The following PLEKHA7 variants were observed in gnomAD, a reference collection of about 807,000 sequenced individuals.
PLEKHA7 encodes the protein pleckstrin homology domain-containing family A member 7.
In PLEKHA7, 104 loss-of-function variants were observed where a neutral mutation model predicts 170.0. The ratio of observed to expected loss-of-function variants is 0.61; its 90% confidence interval spans 0.52 to 0.72. PLEKHA7 has a LOEUF of 0.72. Among genes scored for constraint, PLEKHA7 ranks in the 30% least tolerant of loss-of-function variants. The probability of loss-of-function intolerance (pLI) is 0.00; values close to 1 mark genes in which losing one functional copy is unlikely to be tolerated. For missense variants in PLEKHA7, 1,615 were observed against 1,671.7 expected (o/e 0.97, Z 0.59); for synonymous variants, 648 against 660.8 (o/e 0.98, Z 0.30).
chr11:16,872,797 T>C (rs1174149554), intron 3 of PLEKHA7, among the ~76,000 whole-genome samples: 2 of 132,488 alleles, frequency 1.5e-5, no homozygotes, highest in African/African-American at 5.4e-5. Context: ...GGATTATGCC[T>C]GGCCAAATGT....
chr11:16,942,321 G>A (rs1483805953), intron 3 of PLEKHA7, among the ~76,000 whole-genome samples: 1 of 152,170 alleles, frequency 6.6e-6, no homozygotes, highest in African/African-American at 2.4e-5. Flanking sequence ...GCTAATGGCT[G>A]GGCTTCTACT....
In PLEKHA7 at chr11:16,804,317, A is replaced by G. The variant is rs115186471; in HGVS notation, c.2008-1022T>C. ...GACAGGTGGTGTGTGTGTGCTATGC[A>G]GAGAGGTCCCAATGTGGACCGATAG... On this transcript the variant is annotated intron_variant, in intron 13 of 26. Coordinates refer to ENST00000531066, the MANE Select transcript of PLEKHA7 (RefSeq NM_001329630.2). Among the ~76,000 whole-genome samples the G allele has an allele frequency of 4.0e-3, 612 of 152,346 alleles. 3 individuals carry two copies. Among genetic ancestry groups the G allele is most frequent in the African/African-American group, 0.014 (585 of 41,578 alleles).
intron 19 of PLEKHA7, among the ~76,000 whole-genome samples, chr11:16,793,442 C>T (rs76437566): frequency 0.016 from 2,447 of 152,316 alleles, 47 homozygotes; most frequent in African/African-American, 0.053. Context: ...GCTCTGGGCC[C>T]TGGACTATGG....
intron 4 of PLEKHA7, among the ~76,000 whole-genome samples, chr11:16,868,613 G>C (rs376608514): frequency 9.9e-5 from 15 of 152,164 alleles, no homozygotes; most frequent in African/African-American, 3.6e-4. Context: ...ATAAGTGCAG[G>C]AATCCTCCCT....
At chr11:16,889,420 A>AATATATATATATATAT (rs1554964151) in intron 3 of PLEKHA7, among the ~76,000 whole-genome samples, 1 of 74,670 alleles carries the variant, frequency 1.3e-5, no homozygotes, top group African/African-American at 6.3e-5. Context: ...AAAAAAAAAA[A>AATATATATATATATAT]ATATATATAT....
chr11:16,856,359 G>A (rs1490393816), intron 4 of PLEKHA7, among the ~76,000 whole-genome samples: 2 of 152,124 alleles, frequency 1.3e-5, no homozygotes, highest in Non-Finnish European at 2.9e-5. Context: ...GAAATCACTT[G>A]CGCACACAAC....
Position 16,795,288 on chromosome 11 carries a change from C to T in PLEKHA7, c.2410-270G>A, listed in dbSNP as rs1481892250. ...AAAACAGACTGCCGTAAACACTGTG[C>T]CATTCCGCTAAAATACTGTATGACA... is the stretch of plus-strand genomic sequence containing the variant. On this transcript the variant is annotated intron_variant, in intron 17 of 26. Transcript: ENST00000531066. The T allele has an allele frequency of 6.8e-6, 3 of 439,512 alleles. No homozygotes were observed. In the Admixed American group the frequency reaches 1.1e-4, roughly 16 times the overall value. 27.2% of individuals were successfully genotyped at this position (439,512 alleles called of 1,614,324 possible).
At position 16,783,945 on chromosome 11, in the gene PLEKHA7, G is replaced by C. The variant is rs1046137419; in HGVS notation, c.3517-112C>G. The C allele has an allele frequency of 1.0e-4, 117 of 1,130,946 alleles. 2 individuals carry two copies. In the Admixed American group the frequency reaches 4.7e-3, roughly 46 times the overall value. The allele number at this position is 1,130,946 out of a possible 1,614,324, so 70.1% of individuals were successfully genotyped here. ...ATGGGAAGCAAGCAGAGTCCACAGA[G>C]ACTAAGTAACTTGCTAAGATCACAA... is the stretch of plus-strand genomic sequence containing the variant. On this transcript the variant is annotated intron_variant, in intron 24 of 26. Transcript: ENST00000531066.
At position 16,826,459 on chromosome 11, in the gene PLEKHA7, A is replaced by T. The variant is rs751058359; in HGVS notation, c.1004T>A (p.Phe335Tyr). ...PHRGHDDIVNFERQEQEGEQY... is the reference protein window; with the variant it reads ...PHRGHDDIVNYERQEQEGEQY... Reference sequence around the variant, plus strand: ...CTCTCCCTCCTGCTCCTGCCTCTCGAAGTTGACAATGTCATCATGGCCACG... The same window carrying T: ...CTCTCCCTCCTGCTCCTGCCTCTCGTAGTTGACAATGTCATCATGGCCACG... Residue 335 changes from phenylalanine (F) to tyrosine (Y), a missense_variant, in exon 10 of 27, where the codon TTC becomes TAC. By Grantham distance (22) the Phe-to-Tyr change is conservative. Coordinates refer to ENST00000531066, the MANE Select transcript of PLEKHA7 (RefSeq NM_001329630.2). 6.2e-7 allele frequency: 1 copy of T among 1,614,164 alleles called. No individual in the cohort carries two copies. Among genetic ancestry groups the T allele is most frequent in the Admixed American group, 1.7e-5 (1 of 60,022 alleles).
chr11:16,926,005 G>C (rs1859512479), intron 3 of PLEKHA7, among the ~76,000 whole-genome samples: 1 of 152,258 alleles, frequency 6.6e-6, no homozygotes, highest in South Asian at 2.1e-4. Flanking sequence ...CCTGTCATCC[G>C]TTGCCGCAAG....
intron 3 of PLEKHA7, among the ~76,000 whole-genome samples, chr11:16,999,439 C>G (rs1367713660): frequency 6.6e-6 from 1 of 151,936 alleles, no homozygotes; most frequent in East Asian, 1.9e-4. Context: ...CACTCACAAG[C>G]TCAGTCCCAC....
intron 3 of PLEKHA7, among the ~76,000 whole-genome samples, chr11:16,993,825 A>C (rs1864183370): frequency 6.6e-6 from 1 of 152,248 alleles, no homozygotes; most frequent in Non-Finnish European, 1.5e-5. Context: ...AAGGAAAATA[A>C]GGCAATAGGC....
chr11:16,895,266 G>C (rs963552838), intron 3 of PLEKHA7, among the ~76,000 whole-genome samples: 5 of 152,160 alleles, frequency 3.3e-5, no homozygotes, highest in African/African-American at 7.2e-5. Flanking sequence ...ATCAGGCATG[G>C]ACACTGACTG....
chr11:16,912,589 AG>A (rs1036452672), intron 3 of PLEKHA7, among the ~76,000 whole-genome samples: 13 of 152,192 alleles, frequency 8.5e-5, no homozygotes, highest in African/African-American at 3.1e-4. Context: ...ACACGGAAGG[AG>A]GGAATAGCAA....
chr11:16,805,163 T>G (rs1223699103), intron 13 of PLEKHA7, among the ~76,000 whole-genome samples: 2 of 152,192 alleles, frequency 1.3e-5, no homozygotes, highest in Non-Finnish European at 2.9e-5. Flanking sequence ...CTGGGGATTC[T>G]TTCCCCCAGC....
At chr11:16,904,533 A>G (rs952461313) in intron 3 of PLEKHA7, among the ~76,000 whole-genome samples, 95 of 152,222 alleles carry the variant, frequency 6.2e-4, no homozygotes, top group African/African-American at 2.2e-3. Context: ...TATAATCTCA[A>G]TTATCTTTAC....
At chr11:16,913,139 T>C (rs1359248430) in intron 3 of PLEKHA7, among the ~76,000 whole-genome samples, 1 of 152,110 alleles carries the variant, frequency 6.6e-6, no homozygotes, top group Non-Finnish European at 1.5e-5. Flanking sequence ...ACCAGAATGT[T>C]CTCAAACGCC....
chr11:16,901,454 C>T lies in PLEKHA7; in HGVS notation c.222-30272G>A, dbSNP rs562246708. Among the ~76,000 whole-genome samples the T allele has an allele frequency of 2.6e-5, 4 of 152,304 alleles. No individual in the cohort carries two copies. In the South Asian group the frequency reaches 8.3e-4, roughly 32 times the overall value. ...TTATCCTTTCTCCTCTAAATTCCAC[C>T]ACTAGCAACTCATTTATTTAGGTAA... On this transcript the variant is annotated intron_variant, in intron 3 of 26. Transcript: ENST00000531066.
chr11:16,876,844 A>C, intron 3 of PLEKHA7, among the ~76,000 whole-genome samples: 1 of 152,222 alleles, frequency 6.6e-6, no homozygotes, highest in Non-Finnish European at 1.5e-5. Flanking sequence ...GGTTAAACAT[A>C]AAGGTTCCAA....
Sources: allele counts gnomAD v4.1 joint callset (sites outside exome capture counted in the v4.1 genomes callset), GRCh38; gene constraint gnomAD v4.1.1; transcripts MANE v1.5; gene names NCBI Gene and HGNC (gene_info 2026-07-23, HGNC 2026-07-21).